Variants in AKR1B1 observed in about 807,000 individuals in gnomAD.
The protein encoded by AKR1B1 is aldo-keto reductase family 1 member B1.
A neutral mutation model predicts 40.4 loss-of-function variants in AKR1B1; 22 were observed. The observed-to-expected ratio is 0.54, with a 90% confidence interval of 0.39 to 0.78. The LOEUF is 0.78. Ranked by LOEUF, AKR1B1 falls within the 30% of genes least tolerant of loss-of-function variation. AKR1B1 has a pLI of 0.00. For synonymous variants in AKR1B1, 157 were observed against 149.9 expected (o/e 1.05, Z -0.35); for missense variants, 357 against 396.7 (o/e 0.90, Z 0.85).
At chr7:134,447,423 C>A in intron 7 of AKR1B1, 42 bp from the exon 8 acceptor site, 5 of 1,520,112 alleles carry the variant, frequency 3.3e-6, no homozygotes, top group Non-Finnish European at 4.6e-6. Flanking sequence ...ACATGCCAGG[C>A]ACTCGCACCC....
At position 134,449,136 on chromosome 7, in the gene AKR1B1, CTGTG is replaced by C; in HGVS notation, c.430-21_430-18del. On this transcript the variant is annotated intron_variant, in intron 4 of 9. Transcript: ENST00000285930. ...TTCCATGGCCTACAGAGAAAAGTGT[CTGTG>C]TGGTGCAGAAACGAACCCAGAAAGG... The C allele has an allele frequency of 1.2e-6, 2 of 1,604,066 alleles. No individual in the cohort carries two copies. Among genetic ancestry groups the C allele is most frequent in the South Asian group, 2.2e-5 (2 of 90,984 alleles).
intron 9 of AKR1B1, among the ~76,000 whole-genome samples, chr7:134,444,169 G>A (rs1203025659): frequency 6.6e-6 from 1 of 152,196 alleles, no homozygotes; most frequent in Non-Finnish European, 1.5e-5. Flanking sequence ...TTGTCCACTA[G>A]ATCCAAAAAT....
rs1371491142 is a variant in AKR1B1 at position 134,447,282 on chromosome 7, C to T, written c.825+16G>A. ...CTCCATGGAGGAGGGCCAGGCCTGA[C>T]CAGCCAAGATCTTACCTTAAAGTTC... On this transcript the variant is annotated intron_variant, in intron 8 of 9. Transcript: ENST00000285930. The T allele has an allele frequency of 6.2e-7, 1 of 1,612,556 alleles. No homozygotes were observed. The highest frequency in any genetic ancestry group is 1.1e-5 in the South Asian group (1 of 91,042).
chr7:134,448,934 C>T lies in AKR1B1; in HGVS notation c.552+63G>A, dbSNP rs533778853. 23 of 1,609,000 alleles carry T rather than the reference C, an allele frequency of 1.4e-5. No homozygotes were observed. In the East Asian group the frequency reaches 4.5e-4, roughly 31 times the overall value. On this transcript the variant is annotated intron_variant, in intron 5 of 9. Coordinates refer to ENST00000285930, the MANE Select transcript of AKR1B1 (RefSeq NM_001628.4). Reference sequence around the variant, plus strand: ...TGCTGGGTGAGGTGGACGAGAAATCCCTACCAGCATCAGACAGTAAAACAG... The same window carrying T: ...TGCTGGGTGAGGTGGACGAGAAATCTCTACCAGCATCAGACAGTAAAACAG...
chr7:134,445,939 C>T (rs1396721558), intron 8 of AKR1B1, among the ~76,000 whole-genome samples: 1 of 152,196 alleles, frequency 6.6e-6, no homozygotes, highest in African/African-American at 2.4e-5. Context: ...GGGAGGGAGG[C>T]AGGCAGGCAC....
intron 1 of AKR1B1, among the ~76,000 whole-genome samples, chr7:134,458,156 A>C (rs934371353): frequency 5.9e-5 from 9 of 151,750 alleles, no homozygotes; most frequent in African/African-American, 2.2e-4. Context: ...TCAGGCTATT[A>C]TTTTTGGTTT....
At chr7:134,457,441 A>G (rs1806504997) in intron 1 of AKR1B1, among the ~76,000 whole-genome samples, 1 of 152,202 alleles carries the variant, frequency 6.6e-6, no homozygotes, top group Non-Finnish European at 1.5e-5. Flanking sequence ...TCATGGTTGT[A>G]ATTCAATTAC....
chr7:134,451,494 G>A, intron 2 of AKR1B1, 92 bp downstream of exon 2: 2 of 1,462,272 alleles, frequency 1.4e-6, no homozygotes, highest in South Asian at 2.3e-5. Flanking sequence ...AGTGAAAAGT[G>A]TAGCTGTATT....
intron 9 of AKR1B1, among the ~76,000 whole-genome samples, chr7:134,443,086 A>C (rs1805988274): frequency 6.6e-6 from 1 of 152,210 alleles, no homozygotes; most frequent in Non-Finnish European, 1.5e-5. Context: ...AGCTGGCAGG[A>C]CCAGACAGTA....
intron 9 of AKR1B1, 164 bp downstream of exon 9, chr7:134,445,074 G>T: frequency 1.4e-6 from 1 of 711,842 alleles, no homozygotes; most frequent in African/African-American, 1.7e-5. Flanking sequence ...GCTCCATGCA[G>T]TTCAGCTGAT....
intron 7 of AKR1B1, 24 bp downstream of exon 7, chr7:134,447,956 C>G: frequency 1.9e-6 from 3 of 1,602,156 alleles, no homozygotes; most frequent in African/African-American, 1.3e-5. Context: ...TGTGGACGGT[C>G]AGCAACACCT....
chr7:134,449,387 C>G, intron 4 of AKR1B1: 2 of 565,504 alleles, frequency 3.5e-6, no homozygotes, highest in South Asian at 2.0e-5. Context: ...GAGATCAAGA[C>G]CATCCTGGCT....
intron 5 of AKR1B1, among the ~76,000 whole-genome samples, chr7:134,448,697 T>C (rs963596861): frequency 1.3e-5 from 2 of 152,214 alleles, no homozygotes; most frequent in African/African-American, 4.8e-5. Flanking sequence ...ATAGATGTTC[T>C]CATGGGCCCT....
At chr7:134,450,660 C>T in intron 3 of AKR1B1, 126 bp downstream of exon 3, 3 of 796,604 alleles carry the variant, frequency 3.8e-6, no homozygotes, top group African/African-American at 1.7e-5. Context: ...GCTGATGGTC[C>T]ACTGGCTATA....
chr7:134,442,665 G>A lies in AKR1B1; in HGVS notation c.*63C>T. 1 of 1,563,616 alleles carries A rather than the reference G, an allele frequency of 6.4e-7. No homozygotes were observed. Among genetic ancestry groups the A allele is most frequent in the Non-Finnish European group, 8.8e-7 (1 of 1,135,302 alleles). On this transcript the variant is annotated 3_prime_UTR_variant, in exon 10 of 10. Coordinates refer to ENST00000285930, the MANE Select transcript of AKR1B1 (RefSeq NM_001628.4). ...GACACAGGCCATACTACATTTGCAA[G>A]GAAAAAAATGAGGCAAGAAACACAG...
Position 134,442,552 on chromosome 7 carries a change from T to C in AKR1B1, c.*176A>G, listed in dbSNP as rs1805968744. 1.6e-6 allele frequency: 1 copy of C among 607,664 alleles called. No homozygotes were observed. Among genetic ancestry groups the C allele is most frequent in the Non-Finnish European group, 3.0e-6 (1 of 337,486 alleles). The allele number at this position is 607,664 out of a possible 1,614,324, so 37.6% of individuals were successfully genotyped here. On this transcript the variant is annotated 3_prime_UTR_variant, in exon 10 of 10. Coordinates refer to ENST00000285930, the MANE Select transcript of AKR1B1 (RefSeq NM_001628.4). ...GGCAAAGCAAACTGGAAGAGACTTC[T>C]ACTCTACTGACAGGGCTCTTGAGAT...
At chr7:134,453,494 CTGT>C (rs1806357207) in intron 1 of AKR1B1, among the ~76,000 whole-genome samples, 1 of 152,084 alleles carries the variant, frequency 6.6e-6, no homozygotes, top group Non-Finnish European at 1.5e-5. Flanking sequence ...ATGTCAGCGG[CTGT>C]TGTTTGGGGA....
At chr7:134,451,953 C>T (rs2117459275) in intron 1 of AKR1B1, 200 bp from the exon 2 acceptor site, 1 of 644,124 alleles carries the variant, frequency 1.6e-6, no homozygotes, top group South Asian at 1.7e-5. Context: ...CAGCATTGCC[C>T]TGTAGGAGAA....
At chr7:134,445,169 G>C in intron 9 of AKR1B1, 69 bp downstream of exon 9, 1 of 1,364,658 alleles carries the variant, frequency 7.3e-7, no homozygotes, top group Non-Finnish European at 1.0e-6. Flanking sequence ...GGCCTGCAGG[G>C]ATCACTCTCT....
Sources: gnomAD v4.1 joint callset for allele counts (sites outside exome capture counted in the v4.1 genomes callset) on GRCh38, gnomAD v4.1.1 for gene constraint, MANE v1.5 for transcripts, NCBI Gene and HGNC (gene_info 2026-07-23, HGNC 2026-07-21) for gene names.